Variants in MAP2 observed in about 807,000 individuals in gnomAD.
MAP2 encodes the protein microtubule associated protein 2.
MAP2 carries 14 observed loss-of-function variants against 137.6 expected under a neutral mutation model. The ratio of observed to expected loss-of-function variants is 0.10; its 90% CI spans 0.07 to 0.16. The LOEUF (loss-of-function observed/expected upper bound fraction) is 0.16. MAP2 is among the 10% of genes least tolerant of loss of function. MAP2 has a pLI of 1.00. For missense variants in MAP2, 2,088 were observed against 2,191.5 expected (o/e 0.95, Z 0.94); for synonymous variants, 786 against 782.3 (o/e 1.00, Z -0.08).
At chr2:209,505,098 C>G (rs912968197) in intron 1 of MAP2, among the ~76,000 whole-genome samples, 2 of 151,870 alleles carry the variant, frequency 1.3e-5, no homozygotes, top group African/African-American at 4.8e-5. Context: ...CATACTTTCT[C>G]TTTAAATTTG....
At chr2:209,538,553 T>TTC (rs370133503) in intron 2 of MAP2, among the ~76,000 whole-genome samples, 1,980 of 150,076 alleles carry the variant, frequency 0.013, 58 homozygotes, top group African/African-American at 0.046. Flanking sequence ...TTTTTTTTTT[T>TTC]CCTCTGTGTA....
chr2:209,435,997 C>CAGTATATAT, intron 1 of MAP2, among the ~76,000 whole-genome samples: 1 of 78,392 alleles, frequency 1.3e-5, no homozygotes, highest in Non-Finnish European at 2.2e-5. Flanking sequence ...ATATTATATA[C>CAGTATATAT]TATATATACA....
At position 209,598,668 on chromosome 2, in the gene MAP2, A is replaced by G. The variant is rs1246605960; in HGVS notation, c.-107+18568A>G. 3.8e-3 allele frequency among the ~76,000 whole-genome samples: 565 copies of G among 148,850 alleles called. 2 individuals carry two copies. Among genetic ancestry groups the G allele is most frequent in the African/African-American group, 0.012 (500 of 40,364 alleles). On this transcript the variant is annotated intron_variant, in intron 3 of 15. Transcript: ENST00000682079. The stretch of plus-strand genomic sequence containing the variant: ...TGTGTCCATGTGACCTCATTGTTCA[A>G]TTCCCACCTATGAGTGAGAATATGT...
chr2:209,638,623 T>C (rs1302746529), intron 4 of MAP2, among the ~76,000 whole-genome samples: 7 of 152,170 alleles, frequency 4.6e-5, no homozygotes, highest in Admixed American at 4.6e-4. Context: ...AGTAGGTTAG[T>C]ATACTTTAAA....
intron 2 of MAP2, among the ~76,000 whole-genome samples, chr2:209,522,689 G>A (rs891960786): frequency 2.0e-5 from 3 of 152,060 alleles, no homozygotes; most frequent in African/African-American, 7.2e-5. Context: ...TTTATTTAAA[G>A]CTCCATATGG....
At chr2:209,624,864 G>C (rs539565185) in intron 3 of MAP2, among the ~76,000 whole-genome samples, 189 bp from the exon 4 acceptor site, 1 of 152,098 alleles carries the variant, frequency 6.6e-6, no homozygotes, top group Non-Finnish European at 1.5e-5. Context: ...TATTCTATCT[G>C]TGATAGTTCC....
rs2059453160 is a variant in MAP2 at position 209,693,451 on chromosome 2, C to A, written c.1281C>A (p.Thr427=). The A allele has an allele frequency of 1.9e-6, 3 of 1,613,932 alleles. No individual in the cohort carries two copies. Among genetic ancestry groups the A allele is most frequent in the African/African-American group, 1.3e-5 (1 of 74,990 alleles). The change falls in exon 8 of 16, where the codon ACC becomes ACA. Residue 427 remains threonine (T), a synonymous_variant. Transcript: ENST00000682079. ...CTGTGCAGCAAAGGGATACTTTCAC[C>A]CCCAGTGGACAGGAACCTATACTTA... is the stretch of plus-strand genomic sequence containing the variant. ...QETVQQRDTF[T]PSGQEPILTE...
chr2:209,501,645 G>T (rs1230106988), intron 1 of MAP2, among the ~76,000 whole-genome samples: 1 of 152,056 alleles, frequency 6.6e-6, no homozygotes, highest in African/African-American at 2.4e-5. Flanking sequence ...TTTTGCTTAG[G>T]GTATTGTTTA....
intron 3 of MAP2, among the ~76,000 whole-genome samples, chr2:209,594,491 A>G (rs989084027): frequency 1.3e-5 from 2 of 152,144 alleles, no homozygotes; most frequent in African/African-American, 2.4e-5. Context: ...TCAGGGTCCT[A>G]CTATTAACAA....
At chr2:209,661,353 C>A in intron 5 of MAP2, 1 of 190,710 alleles carries the variant, frequency 5.2e-6, no homozygotes, top group Non-Finnish European at 9.7e-6. Flanking sequence ...CCACACCAAC[C>A]CCCCAAGCAA....
chr2:209,729,710 T>A (rs1318748233), intron 14 of MAP2, 140 bp from the exon 15 acceptor site: 1 of 607,722 alleles, frequency 1.6e-6, no homozygotes, highest in African/African-American at 1.9e-5. Context: ...TCTAAAAGAC[T>A]CTTTTTACAT....
intron 2 of MAP2, chr2:209,579,725 A>G (rs1266968881): frequency 1.3e-5 from 2 of 152,176 alleles, no homozygotes; most frequent in East Asian, 1.9e-4. Context: ...CTCAAAGGCT[A>G]GACTTGAGTG....
intron 1 of MAP2, among the ~76,000 whole-genome samples, chr2:209,461,654 T>C (rs2149596428): frequency 6.6e-6 from 1 of 152,260 alleles, no homozygotes; most frequent in Admixed American, 6.5e-5. Flanking sequence ...TTCTCCATGT[T>C]GGTCAGGCTG....
intron 2 of MAP2, among the ~76,000 whole-genome samples, chr2:209,513,712 T>C (rs995637726): frequency 6.6e-6 from 1 of 152,108 alleles, no homozygotes. Flanking sequence ...GTATTCATCT[T>C]TCATGGCATC....
Position 209,695,802 on chromosome 2 carries a change from C to G in MAP2, c.3632C>G (p.Ser1211Cys). 6.2e-7 allele frequency: 1 copy of G among 1,614,036 alleles called. No homozygotes were observed. The highest frequency in any genetic ancestry group is 8.5e-7 in the Non-Finnish European group (1 of 1,179,992). ...KEESKETPDI[S>C]ITPSDVAEPL... is the part of the protein sequence containing the mutation. The stretch of plus-strand genomic sequence containing the variant: ...GAAAGCAAAGAGACCCCAGATATAT[C>G]CATCACGCCTTCTGATGTTGCAGAG... Residue 1211 changes from serine (S) to cysteine (C), a missense_variant, in exon 8 of 16, where the codon TCC (serine) becomes TGC (cysteine). Physicochemically the swap from Ser to Cys is moderately radical, Grantham distance 112. Around this residue, in one of 6 missense-constraint regions of MAP2, gnomAD observed 591 missense variants for 642.6 expected, o/e 0.92. Coordinates refer to ENST00000682079, the MANE Select transcript of MAP2 (RefSeq NM_001375505.1).
At chr2:209,438,050 T>C (rs1574853980) in intron 1 of MAP2, among the ~76,000 whole-genome samples, 1 of 151,618 alleles carries the variant, frequency 6.6e-6, no homozygotes, top group Non-Finnish European at 1.5e-5. Flanking sequence ...ACAATAGGCA[T>C]GAGACTGTAC....
intron 2 of MAP2, among the ~76,000 whole-genome samples, chr2:209,569,270 GA>G (rs2073999579): frequency 6.6e-6 from 1 of 151,712 alleles, no homozygotes; most frequent in African/African-American, 2.4e-5. Context: ...AGACTTTTAG[GA>G]AGGTAATTTA....
At chr2:209,618,812 C>T (rs1468434070) in intron 3 of MAP2, among the ~76,000 whole-genome samples, 1 of 150,504 alleles carries the variant, frequency 6.6e-6, no homozygotes, top group African/African-American at 2.4e-5. Context: ...AACCAAATGT[C>T]AAAGAGATAT....
intron 4 of MAP2, among the ~76,000 whole-genome samples, chr2:209,627,294 T>C (rs1182534290): frequency 1.3e-5 from 2 of 152,138 alleles, no homozygotes; most frequent in Admixed American, 1.3e-4. Flanking sequence ...TAGAATTTGT[T>C]TAAGGTAAAA....
Sources: allele counts gnomAD v4.1 joint callset (sites outside exome capture counted in the v4.1 genomes callset), GRCh38; gene constraint gnomAD v4.1.1; regional missense constraint gnomAD v4.1.1; transcripts MANE v1.5; gene names NCBI Gene and HGNC (gene_info 2026-07-23, HGNC 2026-07-21).